The following ROCK1 variants were observed in gnomAD, a reference collection of about 807,000 sequenced individuals.
ROCK1 encodes the protein Rho associated coiled-coil containing protein kinase 1.
In ROCK1, 36 loss-of-function variants were observed where a neutral mutation model predicts 196.8. The observed-to-expected ratio is 0.18, with a 90% CI of 0.14 to 0.24. ROCK1 has a LOEUF of 0.24. Ranked by LOEUF, ROCK1 falls within the 10% of genes least tolerant of loss-of-function variation. The probability of loss-of-function intolerance (pLI) is 1.00; values close to 1 mark genes in which losing one functional copy is unlikely to be tolerated. For synonymous variants in ROCK1, 443 were observed against 515.9 expected, an observed-to-expected ratio of 0.86 and a Z score of 1.91; for missense variants, 920 against 1,562.0, an observed-to-expected ratio of 0.59 and a Z score of 6.93.
intron 2 of ROCK1, among the ~76,000 whole-genome samples, chr18:21,053,941 A>AT (rs1361372398): frequency 1.3e-5 from 2 of 152,246 alleles, no homozygotes; most frequent in African/African-American, 4.8e-5. Context: ...GGTGATACAT[A>AT]TAGCACTCAA....
intron 9 of ROCK1, among the ~76,000 whole-genome samples, chr18:21,038,949 TATACA>T (rs1235482545): frequency 1.3e-4 from 20 of 152,334 alleles, no homozygotes; most frequent in Middle Eastern, 3.4e-3. Flanking sequence ...ATTAGTTTCT[TATACA>T]ATACATTTTT....
chr18:21,093,526 G>C (rs1053092103), intron 1 of ROCK1, among the ~76,000 whole-genome samples: 2 of 152,080 alleles, frequency 1.3e-5, no homozygotes, highest in African/African-American at 4.8e-5. Flanking sequence ...CTTCTCTAAG[G>C]ACAAAGAGGA....
intron 1 of ROCK1, among the ~76,000 whole-genome samples, chr18:21,072,295 C>T (rs2036392288): frequency 6.6e-6 from 1 of 152,206 alleles, no homozygotes; most frequent in African/African-American, 2.4e-5. Context: ...TAGTCTATTA[C>T]TTTTCAGCAT....
chr18:21,070,692 C>A (rs376939526), intron 1 of ROCK1, 79 bp from the exon 2 acceptor site: 3 of 839,148 alleles, frequency 3.6e-6, no homozygotes, highest in Non-Finnish European at 5.5e-6. Flanking sequence ...ATAAAATATA[C>A]GCTTTAATAT....
chr18:21,063,757 G>T (rs2143540734), intron 2 of ROCK1, among the ~76,000 whole-genome samples: 1 of 152,318 alleles, frequency 6.6e-6, no homozygotes, highest in East Asian at 1.9e-4. Context: ...TCATTTAAAT[G>T]AAAATGAAGA....
At chr18:21,003,108 C>A (rs551982882) in intron 16 of ROCK1, among the ~76,000 whole-genome samples, 1 of 151,988 alleles carries the variant, frequency 6.6e-6, no homozygotes, top group East Asian at 1.9e-4. Context: ...AAAGTCCTAC[C>A]GAAGTAGATC....
intron 1 of ROCK1, among the ~76,000 whole-genome samples, chr18:21,076,829 G>A (rs1273602442): frequency 6.6e-6 from 1 of 152,250 alleles, no homozygotes; most frequent in Middle Eastern, 3.4e-3. Flanking sequence ...GTCTGCAATA[G>A]TTCTGGAAAA....
intron 1 of ROCK1, among the ~76,000 whole-genome samples, chr18:21,079,413 G>A (rs547579019): frequency 6.6e-6 from 1 of 152,298 alleles, no homozygotes; most frequent in Non-Finnish European, 1.5e-5. Flanking sequence ...AAACACCTGA[G>A]TTAAATTTCA....
Position 21,042,108 on chromosome 18 carries a change from G to A in ROCK1, c.948C>T (p.Phe316=), listed in dbSNP as rs763844367. ...SKEAKNLICA[F]LTDREVRLGR... is the part of the protein sequence containing the mutation. ...TTAAAATTATTTACCTGTCAGTAAGGAAGGCACAAATAAGGTTTTTTGCTT... is the reference window on the plus strand; with the variant it reads ...TTAAAATTATTTACCTGTCAGTAAGAAAGGCACAAATAAGGTTTTTTGCTT... The change falls in exon 8 of 33, where the codon TTC becomes TTT. Residue 316 remains phenylalanine, a synonymous_variant. Coordinates refer to ENST00000399799, the MANE Select transcript of ROCK1 (RefSeq NM_005406.3). 1 of 1,598,556 alleles carries A rather than the reference G, an allele frequency of 6.3e-7. No homozygotes were observed. The highest frequency in any genetic ancestry group is 8.5e-7 in the Non-Finnish European group (1 of 1,175,992).
At chr18:21,103,035 C>T (rs969145670) in intron 1 of ROCK1, among the ~76,000 whole-genome samples, 4 of 152,010 alleles carry the variant, frequency 2.6e-5, no homozygotes, top group Non-Finnish European at 5.9e-5. Context: ...AGACTTTGGA[C>T]GTTAATTTGA....
intron 5 of ROCK1, among the ~76,000 whole-genome samples, chr18:21,044,457 A>G (rs1159442931): frequency 6.6e-6 from 1 of 152,222 alleles, no homozygotes; most frequent in African/African-American, 2.4e-5. Flanking sequence ...CAGACCATCA[A>G]AAATACAACA....
intron 2 of ROCK1, among the ~76,000 whole-genome samples, chr18:21,066,215 G>T (rs2036333019): frequency 6.6e-6 from 1 of 152,034 alleles, no homozygotes; most frequent in Non-Finnish European, 1.5e-5. Context: ...AGTAATTGAA[G>T]GAGAATGTTC....
rs1433273850 is a variant in ROCK1, at chr18:21,111,047, C to T, written c.-137G>A. 3.0e-6 allele frequency: 2 copies of T among 665,116 alleles called. No homozygotes were observed. The highest frequency in any genetic ancestry group is 5.3e-6 in the Non-Finnish European group (2 of 379,598). The allele number at this position is 665,116 out of a possible 1,614,324, so 41.2% of individuals were successfully genotyped here. Reference sequence around the variant, plus strand: ...AGGGTCACCAGGTGCGCCCGGTTCCCCCGTCTTCCCCTCACTGAGGGGACC... The same window carrying T: ...AGGGTCACCAGGTGCGCCCGGTTCCTCCGTCTTCCCCTCACTGAGGGGACC... On this transcript the variant is annotated 5_prime_UTR_variant, in exon 1 of 33. Coordinates refer to ENST00000399799, the MANE Select transcript of ROCK1 (RefSeq NM_005406.3). This position sits in a 1 kb window ranked among gnomAD's most constrained non-coding sequence, Gnocchi z 4.2.
intron 1 of ROCK1, among the ~76,000 whole-genome samples, chr18:21,109,467 G>T (rs2036730858): frequency 6.6e-6 from 1 of 152,156 alleles, no homozygotes. Context: ...AGACTTCTTA[G>T]AAGTTATAGA....
chr18:20,956,167 AAG>A (rs2035239959), intron 29 of ROCK1, among the ~76,000 whole-genome samples: 1 of 152,084 alleles, frequency 6.6e-6, no homozygotes, highest in African/African-American at 2.4e-5. Flanking sequence ...GAGGATTTTG[AAG>A]AGAGAGAGTG....
Position 21,110,863 on chromosome 18 carries a change from G to C in ROCK1, c.48C>G (p.Asn16Lys). The change falls in exon 1 of 33, where the codon AAC (asparagine) becomes AAG (lysine). Residue 16 changes from asparagine to lysine, a missense_variant. By Grantham distance (94) the Asn-to-Lys change is moderately conservative (BLOSUM62 0). Coordinates refer to ENST00000399799, the MANE Select transcript of ROCK1 (RefSeq NM_005406.3). ...SFETRFEKMD[N>K]LLRDPKSEVN... ...CTTCCGATTTGGGATCCCGCAGCAG[G>C]TTGTCCATTTTTTCAAATCGAGTCT... 2 of 1,614,156 alleles carry C rather than the reference G, an allele frequency of 1.2e-6. No individual in the cohort carries two copies. The highest frequency in any genetic ancestry group is 1.7e-6 in the Non-Finnish European group (2 of 1,180,004).
At position 21,080,664 on chromosome 18, in the gene ROCK1, T is replaced by G. The variant is rs768352787; in HGVS notation, c.94-10051A>C. Among the ~76,000 whole-genome samples, 37 of 152,080 alleles carry G rather than the reference T, an allele frequency of 2.4e-4. 1 individual carries two copies. In the Middle Eastern group the frequency reaches 0.01, roughly 42 times the overall value. On this transcript the variant is annotated intron_variant, in intron 1 of 32. Transcript: ENST00000399799. ...GTGAAAGATGGGAAAAAATACTCCATGCAAATAGTAAATAAAAAAAGCACT... is the reference window on the plus strand; with the variant it reads ...GTGAAAGATGGGAAAAAATACTCCAGGCAAATAGTAAATAAAAAAAGCACT...
intron 2 of ROCK1, among the ~76,000 whole-genome samples, chr18:21,063,701 G>A (rs2036310827): frequency 1.3e-5 from 2 of 152,104 alleles, no homozygotes; most frequent in Non-Finnish European, 1.5e-5. Context: ...ACTGTACATA[G>A]GCAAAAGTAG....
intron 18 of ROCK1, 57 bp downstream of exon 18, chr18:20,991,118 AT>A: frequency 1.3e-6 from 2 of 1,491,484 alleles, no homozygotes; most frequent in African/African-American, 2.8e-5. Context: ...CCAAAACCAA[AT>A]TTTTTCTAGT....
Sources: gnomAD v4.1 joint callset for allele counts (sites outside exome capture counted in the v4.1 genomes callset) on GRCh38, gnomAD v4.1.1 for gene constraint, Gnocchi (gnomAD v3.1) non-coding constraint, MANE v1.5 for transcripts, NCBI Gene and HGNC (gene_info 2026-07-23, HGNC 2026-07-21) for gene names.